PCDHGA3: variants seen among roughly 807,000 people sequenced by gnomAD.
PCDHGA3 encodes the protein protocadherin gamma subfamily A, 3, also known as protocadherin gamma-A3.
A neutral mutation model predicts 58.5 loss-of-function variants in PCDHGA3; 40 were observed. The observed-to-expected ratio is 0.68, with a 90% CI of 0.53 to 0.89. The LOEUF (loss-of-function observed/expected upper bound fraction) is 0.89. Ranked by LOEUF, PCDHGA3 falls within the 40% of genes least tolerant of loss-of-function variation. The pLI is 0.00. For missense variants in PCDHGA3, 1,223 were observed against 1,195.9 expected (o/e 1.02, Z -0.33); for synonymous variants, 530 against 525.7 (o/e 1.01, Z -0.11).
chr5:141,427,787 C>T, intron 1 of PCDHGA3: 1 of 1,478,068 alleles, frequency 6.8e-7, no homozygotes, highest in Non-Finnish European at 9.4e-7. Flanking sequence ...CACTGTCGTC[C>T]TACGTGTCCG....
intron 1 of PCDHGA3, chr5:141,367,126 T>C (rs1038047852): frequency 3.8e-5 from 8 of 211,274 alleles, no homozygotes; most frequent in Non-Finnish European, 6.6e-5. Context: ...AGTGAATGTG[T>C]TTTGGAAAGG....
intron 1 of PCDHGA3, chr5:141,371,406 T>C: frequency 6.2e-7 from 1 of 1,613,960 alleles, no homozygotes; most frequent in Non-Finnish European, 8.5e-7. Flanking sequence ...GATAGATATT[T>C]CAGATGAAAA....
intron 1 of PCDHGA3, among the ~76,000 whole-genome samples, chr5:141,401,572 C>T (rs1013014550): frequency 3.3e-5 from 5 of 152,268 alleles, no homozygotes; most frequent in Middle Eastern, 3.4e-3. Flanking sequence ...TTCTCTTGCT[C>T]GGAATCCTGA....
chr5:141,403,849 G>A, intron 1 of PCDHGA3: 1 of 1,613,560 alleles, frequency 6.2e-7, no homozygotes, highest in East Asian at 2.2e-5. Flanking sequence ...AAAATACTGG[G>A]GAAATATCAA....
chr5:141,410,450 T>G, intron 1 of PCDHGA3: 1 of 1,614,052 alleles, frequency 6.2e-7, no homozygotes, highest in Non-Finnish European at 8.5e-7. Flanking sequence ...GACTTTGCCT[T>G]ATTCTTATAA....
At chr5:141,413,389 T>C (rs370906684) in intron 1 of PCDHGA3, 1 of 1,613,986 alleles carries the variant, frequency 6.2e-7, no homozygotes, top group South Asian at 1.1e-5. Context: ...CCGCATAGTC[T>C]CCAGAGGTAG....
intron 1 of PCDHGA3, among the ~76,000 whole-genome samples, chr5:141,473,542 G>A (rs1444751260): frequency 6.6e-6 from 1 of 152,176 alleles, no homozygotes; most frequent in Non-Finnish European, 1.5e-5. Flanking sequence ...GGGGCCTAAT[G>A]GAAGACCTCT....
At chr5:141,422,446 A>G in intron 1 of PCDHGA3, 1 of 1,610,700 alleles carries the variant, frequency 6.2e-7, no homozygotes, top group South Asian at 1.1e-5. Context: ...CAAATTGATA[A>G]CAAGCAGAGT....
intron 1 of PCDHGA3, chr5:141,389,201 C>T: frequency 1.2e-6 from 2 of 1,614,034 alleles, no homozygotes; most frequent in Non-Finnish European, 1.7e-6. Flanking sequence ...TCACCCTGCA[C>T]ATTGGTGATG....
rs1328476453 is a variant in PCDHGA3, at chr5:141,431,444, C to T, written c.2425-63363C>T. 4.3e-6 allele frequency: 7 copies of T among 1,613,732 alleles called. No homozygotes were observed. The highest frequency in any genetic ancestry group is 5.9e-6 in the Non-Finnish European group (7 of 1,180,022). On this transcript the variant is annotated intron_variant, in intron 1 of 3. Transcript: ENST00000253812. The surrounding 1 kb of genome is among the most constrained non-coding windows in gnomAD (Gnocchi z 4.8). ...GGTGCGCACAGGCACCGCGCGCATCCGCGTGATGGTTCTGGATGCGAACGA... is the reference window on the plus strand; with the variant it reads ...GGTGCGCACAGGCACCGCGCGCATCTGCGTGATGGTTCTGGATGCGAACGA...
chr5:141,365,569 A>G, intron 1 of PCDHGA3: 1 of 1,613,722 alleles, frequency 6.2e-7, no homozygotes, highest in Non-Finnish European at 8.5e-7. Context: ...TGGACAGAGA[A>G]GAGACTTCAG....
intron 1 of PCDHGA3, among the ~76,000 whole-genome samples, chr5:141,465,505 G>A (rs905617997): frequency 6.6e-6 from 1 of 152,190 alleles, no homozygotes; most frequent in Non-Finnish European, 1.5e-5. Flanking sequence ...CATTGTCGTG[G>A]TCAGGAAGGA....
Position 141,484,782 on chromosome 5 carries a change from C to A in PCDHGA3, c.2425-10025C>A, listed in dbSNP as rs572593816. 2.0e-5 allele frequency among the ~76,000 whole-genome samples: 3 copies of A among 152,066 alleles called. No homozygotes were observed. In the South Asian group the frequency reaches 6.3e-4, roughly 32 times the overall value. On this transcript the variant is annotated intron_variant, in intron 1 of 3. Transcript: ENST00000253812. Reference sequence around the variant, plus strand: ...TATATATATGTTGTCTGCCTCCCCACAGAGATAACAACCCGTGGAAAAACA... The same window carrying A: ...TATATATATGTTGTCTGCCTCCCCAAAGAGATAACAACCCGTGGAAAAACA...
At chr5:141,383,694 T>C (rs369728109) in intron 1 of PCDHGA3, 13 of 1,613,890 alleles carry the variant, frequency 8.1e-6, no homozygotes, top group Middle Eastern at 1.6e-4. Context: ...TCACGGTACA[T>C]GCTATCGACC....
chr5:141,350,824 T>C, intron 1 of PCDHGA3: 1 of 1,614,004 alleles, frequency 6.2e-7, no homozygotes, highest in South Asian at 1.1e-5. Context: ...GAAGTAAATA[T>C]CCGGTATTAC....
At chr5:141,381,820 C>CT (rs1279410534) in intron 1 of PCDHGA3, among the ~76,000 whole-genome samples, 1,304 of 119,684 alleles carry the variant, frequency 0.011, 14 homozygotes, top group African/African-American at 0.028. Context: ...TTCTTTCTTT[C>CT]TTCTTCTTTT....
At chr5:141,364,290 G>A (rs745684468) in intron 1 of PCDHGA3, 1 of 1,518,718 alleles carries the variant, frequency 6.6e-7, no homozygotes, top group East Asian at 2.3e-5. Flanking sequence ...GAAACAGCAG[G>A]CTGAACCAGA....
chr5:141,477,438 C>T lies in PCDHGA3; in HGVS notation c.2425-17369C>T, dbSNP rs1386997844. On this transcript the variant is annotated intron_variant, in intron 1 of 3. Transcript: ENST00000253812. This position sits in a 1 kb window ranked among gnomAD's most constrained non-coding sequence, Gnocchi z 4.9. ...GGAACCCCTTCCCTCTCAGCCCTTA[C>T]AATAGTGCGTGTTCAAGTGTCCGAC... 6.2e-7 allele frequency: 1 copy of T among 1,614,174 alleles called. No homozygotes were observed. The highest frequency in any genetic ancestry group is 8.5e-7 in the Non-Finnish European group (1 of 1,180,030).
intron 1 of PCDHGA3, chr5:141,366,102 T>A (rs1445962676): frequency 6.2e-7 from 1 of 1,614,084 alleles, no homozygotes; most frequent in African/African-American, 1.3e-5. Context: ...GTGACCAAGG[T>A]GGTAGCGGTG....
Sources: allele counts gnomAD v4.1 joint callset (sites outside exome capture counted in the v4.1 genomes callset), GRCh38; gene constraint gnomAD v4.1.1; non-coding constraint Gnocchi (gnomAD v3.1); transcripts MANE v1.5; gene names NCBI Gene and HGNC (gene_info 2026-07-23, HGNC 2026-07-21).